AKAP19: variants seen among roughly 807,000 people sequenced by gnomAD.
AKAP19 encodes small A-kinase anchoring protein.
chr2:189,961,392 G>A, the AKAP19 span, among the ~76,000 whole-genome samples: 6 of 152,088 alleles, frequency 3.9e-5, no homozygotes, highest in Non-Finnish European at 1.5e-5. Flanking sequence ...ACTTATACTA[G>A]TTTATTGGTC....
the AKAP19 span, chr2:189,931,074 G>A: frequency 2.2e-6 from 1 of 446,982 alleles, no homozygotes. Flanking sequence ...TTTCTACCTT[G>A]AAATTAATAA....
At chr2:189,900,881 A>G in the AKAP19 span, among the ~76,000 whole-genome samples, 1 of 152,176 alleles carries the variant, frequency 6.6e-6, no homozygotes, top group Non-Finnish European at 1.5e-5. Flanking sequence ...ATGGGATGAT[A>G]CTTGTGCTTT....
the AKAP19 span, among the ~76,000 whole-genome samples, chr2:190,168,428 C>T: frequency 1.1e-4 from 17 of 151,842 alleles, no homozygotes; most frequent in Admixed American, 1.0e-3. Flanking sequence ...CCACCGCCCT[C>T]CCCACTCTGT....
At chr2:190,052,634 C>A in the AKAP19 span, among the ~76,000 whole-genome samples, 2 of 152,074 alleles carry the variant, frequency 1.3e-5, no homozygotes, top group Admixed American at 1.3e-4. Context: ...ACCGCATAAT[C>A]AAATTTTGTT....
the AKAP19 span, among the ~76,000 whole-genome samples, chr2:190,181,619 G>A: frequency 6.3e-3 from 957 of 152,258 alleles, 9 homozygotes; most frequent in African/African-American, 0.022. Flanking sequence ...GAAGCAAAGC[G>A]GAACAATTGG....
At chr2:190,072,603 T>A in the AKAP19 span, among the ~76,000 whole-genome samples, 1 of 152,204 alleles carries the variant, frequency 6.6e-6, no homozygotes, top group Non-Finnish European at 1.5e-5. Context: ...AAACATTTAC[T>A]AAATTGACAA....
At chr2:189,950,255 T>G in the AKAP19 span, among the ~76,000 whole-genome samples, 5 of 149,768 alleles carry the variant, frequency 3.3e-5, no homozygotes, top group African/African-American at 7.4e-5. Flanking sequence ...CTCGAACTCC[T>G]AACCTCAGAT....
At chr2:190,015,619 C>A in the AKAP19 span, among the ~76,000 whole-genome samples, 1 of 152,228 alleles carries the variant, frequency 6.6e-6, no homozygotes, top group African/African-American at 2.4e-5. Context: ...CAAATTTCTG[C>A]AGCCAGCTTG....
At chr2:189,995,614 T>C in the AKAP19 span, among the ~76,000 whole-genome samples, 8 of 152,212 alleles carry the variant, frequency 5.3e-5, no homozygotes, top group Admixed American at 2.0e-4. Flanking sequence ...CATTTACACT[T>C]AACATTAGTA....
At chr2:189,947,808 C>A in the AKAP19 span, among the ~76,000 whole-genome samples, 1 of 151,944 alleles carries the variant, frequency 6.6e-6, no homozygotes, top group Non-Finnish European at 1.5e-5. Flanking sequence ...TAGTGATTTC[C>A]GATTCTAACC....
chr2:189,933,109 A>G, the AKAP19 span, among the ~76,000 whole-genome samples: 2 of 152,182 alleles, frequency 1.3e-5, no homozygotes, highest in Non-Finnish European at 2.9e-5. Flanking sequence ...TTGAGAAAAA[A>G]CTTATATAAT....
the AKAP19 span, among the ~76,000 whole-genome samples, chr2:190,041,868 A>G: frequency 6.6e-6 from 1 of 152,296 alleles, no homozygotes. Context: ...GATAAAGCCT[A>G]CTTGATCATG....
At chr2:190,087,662 G>A in the AKAP19 span, among the ~76,000 whole-genome samples, 7 of 152,244 alleles carry the variant, frequency 4.6e-5, no homozygotes, top group East Asian at 7.7e-4. Flanking sequence ...AATCAATGTC[G>A]ATCTCTACTT....
the AKAP19 span, among the ~76,000 whole-genome samples, chr2:189,982,877 G>A: frequency 6.6e-6 from 1 of 152,056 alleles, no homozygotes; most frequent in Admixed American, 6.6e-5. Context: ...ACGTACTGTT[G>A]CCTAAAAGGC....
At chr2:190,099,041 T>C in the AKAP19 span, among the ~76,000 whole-genome samples, 19,598 of 152,236 alleles carry the variant, frequency 0.13, 1,551 homozygotes, top group Middle Eastern at 0.26. Flanking sequence ...TGGTTTGATC[T>C]TCTGTCTCAA....
the AKAP19 span, among the ~76,000 whole-genome samples, chr2:189,951,494 C>A: frequency 2.0e-5 from 3 of 152,232 alleles, no homozygotes; most frequent in South Asian, 6.2e-4. Context: ...TAAGCCACTG[C>A]GCCCAGCTGA....
chr2:190,129,344 C>T, the AKAP19 span, among the ~76,000 whole-genome samples: 25 of 152,098 alleles, frequency 1.6e-4, no homozygotes, highest in Admixed American at 6.5e-5. Flanking sequence ...TATTCACAGA[C>T]AAAATATAAA....
the AKAP19 span, chr2:190,060,030 T>A: frequency 6.3e-7 from 1 of 1,597,364 alleles, no homozygotes; most frequent in Non-Finnish European, 8.6e-7. Flanking sequence ...AAACATAAGG[T>A]TATTATAATG....
chr2:189,960,935 C>T, the AKAP19 span, among the ~76,000 whole-genome samples: 2 of 152,196 alleles, frequency 1.3e-5, no homozygotes, highest in Non-Finnish European at 2.9e-5. Context: ...AAAATGTATG[C>T]CCATTCTACT....
Sources: gnomAD v4.1 joint callset for allele counts (sites outside exome capture counted in the v4.1 genomes callset) on GRCh38, gnomAD v4.1.1 for gene constraint, MANE v1.5 for transcripts, NCBI Gene and HGNC (gene_info 2026-07-23, HGNC 2026-07-21) for gene names.